DYNC1I1: variants seen among roughly 807,000 people sequenced by gnomAD.
DYNC1I1 encodes dynein cytoplasmic 1 intermediate chain 1, also known as cytoplasmic dynein 1 intermediate chain 1.
DYNC1I1 carries 43 observed loss-of-function variants against 86.6 expected under a neutral mutation model. That is an observed-to-expected ratio of 0.50 (90% confidence interval 0.39 to 0.64). DYNC1I1 has a LOEUF of 0.64. Among genes scored for constraint, DYNC1I1 ranks in the 30% least tolerant of loss-of-function variants. The pLI is 0.00. For missense variants in DYNC1I1, 604 were observed against 788.8 expected (o/e 0.77, Z 2.81); for synonymous variants, 262 against 283.7 (o/e 0.92, Z 0.77).
intron 6 of DYNC1I1, among the ~76,000 whole-genome samples, chr7:95,909,236 A>AGGGGGGGGGGGGGGGGGGGGG (rs1476037005): frequency 2.7e-4 from 1 of 3,754 alleles, no homozygotes; most frequent in Admixed American, 3.2e-3. Flanking sequence ...GGAGGGTGGG[A>AGGGGGGGGGGGGGGGGGGGGG]GGGGGGTGGG....
chr7:95,973,052 C>T (rs1793214696), intron 6 of DYNC1I1, among the ~76,000 whole-genome samples: 1 of 152,158 alleles, frequency 6.6e-6, no homozygotes, highest in African/African-American at 2.4e-5. Flanking sequence ...TAAGGGAAGC[C>T]ATACATGGGT....
intron 9 of DYNC1I1, among the ~76,000 whole-genome samples, chr7:95,988,269 C>A (rs748405274): frequency 1.3e-5 from 2 of 151,978 alleles, no homozygotes; most frequent in Non-Finnish European, 2.9e-5. Flanking sequence ...CCCAGCTATT[C>A]GGGAGGCTGA....
intron 7 of DYNC1I1, among the ~76,000 whole-genome samples, chr7:95,981,765 T>C (rs550446663): frequency 3.7e-4 from 57 of 152,242 alleles, no homozygotes; most frequent in African/African-American, 1.3e-3. Flanking sequence ...GCTTAACCTA[T>C]AAGAAAAACT....
intron 1 of DYNC1I1, among the ~76,000 whole-genome samples, chr7:95,786,346 C>T (rs527652068): frequency 6.6e-6 from 1 of 152,302 alleles, no homozygotes; most frequent in South Asian, 2.1e-4. Context: ...GTCTGGCTCT[C>T]ACTGCTCCTC....
intron 4 of DYNC1I1, among the ~76,000 whole-genome samples, chr7:95,816,037 A>G (rs1794939057): frequency 6.6e-6 from 1 of 151,814 alleles, no homozygotes. Context: ...TTAATTTTAA[A>G]GAGACCGTCT....
At chr7:96,081,902 C>T (rs1248097349) in intron 16 of DYNC1I1, among the ~76,000 whole-genome samples, 1 of 101,824 alleles carries the variant, frequency 9.8e-6, no homozygotes, top group Non-Finnish European at 2.0e-5. Context: ...ATTCTGGATG[C>T]ATAATTCTAA....
chr7:95,815,239 AT>A (rs545345289), intron 4 of DYNC1I1, among the ~76,000 whole-genome samples: 1 of 151,962 alleles, frequency 6.6e-6, no homozygotes, highest in Non-Finnish European at 1.5e-5. Flanking sequence ...TTCTTAGGTG[AT>A]TTTTTTTAAC....
intron 5 of DYNC1I1, among the ~76,000 whole-genome samples, chr7:95,833,842 G>A (rs962439641): frequency 1.1e-4 from 16 of 149,208 alleles, no homozygotes; most frequent in African/African-American, 3.7e-4. Context: ...CTTTGCTGAA[G>A]TTGCTTCTCA....
At chr7:95,995,440 G>A (rs967867036) in intron 9 of DYNC1I1, among the ~76,000 whole-genome samples, 2 of 152,116 alleles carry the variant, frequency 1.3e-5, no homozygotes, top group Non-Finnish European at 1.5e-5. Flanking sequence ...GAAATCCCCA[G>A]TAGGCAGTCA....
At chr7:95,983,151 A>T (rs1048294345) in intron 7 of DYNC1I1, among the ~76,000 whole-genome samples, 8 of 152,132 alleles carry the variant, frequency 5.3e-5, no homozygotes, top group African/African-American at 1.7e-4. Flanking sequence ...CCCACTACCT[A>T]GCCTAAGTCT....
At chr7:95,983,251 C>G (rs997757012) in intron 7 of DYNC1I1, among the ~76,000 whole-genome samples, 1 of 152,142 alleles carries the variant, frequency 6.6e-6, no homozygotes, top group African/African-American at 2.4e-5. Flanking sequence ...TGGAAAGTCT[C>G]AGTACACACT....
At chr7:95,899,406 G>C (rs1367334221) in intron 6 of DYNC1I1, among the ~76,000 whole-genome samples, 1 of 152,142 alleles carries the variant, frequency 6.6e-6, no homozygotes, top group Non-Finnish European at 1.5e-5. Flanking sequence ...ATCTTCTGTT[G>C]GTCACTCTTG....
rs193053069 is a variant in DYNC1I1, at chr7:95,842,579, C to T, written c.374+14463C>T. Among the ~76,000 whole-genome samples the T allele has an allele frequency of 8.3e-3, 1,266 of 152,174 alleles. 26 individuals are homozygous for T. Among genetic ancestry groups the T allele is most frequent in the Admixed American group, 0.049 (753 of 15,278 alleles). On this transcript the variant is annotated intron_variant, in intron 5 of 16. Coordinates refer to ENST00000447467, the MANE Select transcript of DYNC1I1 (RefSeq NM_001135556.2). ...ACAAGTTAAGTCCTTGAGGAAGGGG[C>T]TGCCAGTGAAAGAGCCAGGATGGAG... is the stretch of plus-strand genomic sequence containing the variant.
At chr7:95,793,511 C>T (rs1483167479) in intron 1 of DYNC1I1, among the ~76,000 whole-genome samples, 1 of 152,018 alleles carries the variant, frequency 6.6e-6, no homozygotes, top group Non-Finnish European at 1.5e-5. Context: ...GGTGATGTTG[C>T]TCAGCTGCAA....
chr7:95,781,581 TTCA>T (rs1390902465), intron 1 of DYNC1I1, among the ~76,000 whole-genome samples: 1 of 152,166 alleles, frequency 6.6e-6, no homozygotes, highest in Non-Finnish European at 1.5e-5. Flanking sequence ...TGGGCAAAAG[TTCA>T]TTTTTGACGA....
chr7:95,929,149 A>G (rs1791823622), intron 6 of DYNC1I1, among the ~76,000 whole-genome samples: 1 of 152,066 alleles, frequency 6.6e-6, no homozygotes, highest in Non-Finnish European at 1.5e-5. Flanking sequence ...ATATTCTATC[A>G]CTAGTATTTT....
At chr7:96,027,289 T>C (rs1216932363) in intron 10 of DYNC1I1, among the ~76,000 whole-genome samples, 1 of 152,208 alleles carries the variant, frequency 6.6e-6, no homozygotes, top group Non-Finnish European at 1.5e-5. Context: ...ATGTATTGAC[T>C]AAAAACAATT....
intron 6 of DYNC1I1, among the ~76,000 whole-genome samples, chr7:95,884,963 C>CTTAGTACAAA (rs1263994344): frequency 6.6e-6 from 1 of 152,122 alleles, no homozygotes; most frequent in African/African-American, 2.4e-5. Context: ...TAGTACAATA[C>CTTAGTACAAA]ATGGTATATT....
intron 1 of DYNC1I1, among the ~76,000 whole-genome samples, chr7:95,778,847 T>C (rs993056281): frequency 5.9e-5 from 9 of 152,000 alleles, no homozygotes; most frequent in African/African-American, 2.2e-4. Context: ...TTTTTTTTCA[T>C]AGGGATGGAG....
Sources: gnomAD v4.1 joint callset for allele counts (sites outside exome capture counted in the v4.1 genomes callset) on GRCh38, gnomAD v4.1.1 for gene constraint, MANE v1.5 for transcripts, NCBI Gene and HGNC (gene_info 2026-07-23, HGNC 2026-07-21) for gene names.